The following LGSN variants were observed in gnomAD, a reference collection of about 807,000 sequenced individuals.
The protein encoded by LGSN is lengsin.
LGSN carries 21 observed loss-of-function variants against 19.5 expected under a neutral mutation model. That is an observed-to-expected ratio of 1.07 (90% CI 0.76 to 1.55). LGSN has a LOEUF of 1.55. Among genes scored for constraint, LGSN ranks in the 40% most tolerant of loss-of-function variants. LGSN has a pLI of 0.00. For missense variants in LGSN, 673 were observed against 608.5 expected (o/e 1.11, Z -1.12); for synonymous variants, 257 against 215.6 (o/e 1.19, Z -1.68).
the LGSN span, among the ~76,000 whole-genome samples, chr6:63,515,303 C>T: frequency 6.6e-6 from 1 of 152,200 alleles, no homozygotes; most frequent in South Asian, 2.1e-4. Flanking sequence ...GAGATCTCAG[C>T]TCACTGCAAC....
At chr6:63,476,996 C>G in the LGSN span, among the ~76,000 whole-genome samples, 1 of 152,106 alleles carries the variant, frequency 6.6e-6, no homozygotes, top group Non-Finnish European at 1.5e-5. Context: ...TAATTGAAAC[C>G]CTTCCTAGTA....
At chr6:63,536,154 A>T in the LGSN span, among the ~76,000 whole-genome samples, 2 of 152,218 alleles carry the variant, frequency 1.3e-5, no homozygotes, top group South Asian at 4.1e-4. Context: ...CAACAAGATG[A>T]AACCACGTCT....
At chr6:63,308,646 A>G (rs1439106129) in intron 1 of LGSN, among the ~76,000 whole-genome samples, 2 of 152,152 alleles carry the variant, frequency 1.3e-5, no homozygotes, top group East Asian at 1.9e-4. Context: ...ACCCCTATAT[A>G]ATAGTTATAG....
At chr6:63,328,318 G>C in the LGSN span, among the ~76,000 whole-genome samples, 7 of 152,348 alleles carry the variant, frequency 4.6e-5, no homozygotes, top group Admixed American at 4.6e-4. Context: ...TTTGTTGGCA[G>C]TCATGCTCGA....
At chr6:63,340,501 C>T in the LGSN span, among the ~76,000 whole-genome samples, 1 of 151,536 alleles carries the variant, frequency 6.6e-6, no homozygotes, top group Non-Finnish European at 1.5e-5. Context: ...TACTTCAGAC[C>T]TGTCTTCAAG....
chr6:63,412,529 G>GGAAGGAAAGAAAGAAA, the LGSN span, among the ~76,000 whole-genome samples: 12 of 32,404 alleles, frequency 3.7e-4, no homozygotes, highest in Non-Finnish European at 5.7e-4. Context: ...AAAGAAAGAA[G>GGAAGGAAAGAAAGAAA]GAAAGAAAGA....
the LGSN span, among the ~76,000 whole-genome samples, chr6:63,474,476 G>A: frequency 1.3e-5 from 2 of 152,002 alleles, no homozygotes; most frequent in African/African-American, 4.8e-5. Flanking sequence ...GGGCATGGTG[G>A]CAGGTGCCTG....
At chr6:63,357,629 T>C in the LGSN span, among the ~76,000 whole-genome samples, 6 of 152,256 alleles carry the variant, frequency 3.9e-5, no homozygotes, top group Non-Finnish European at 8.8e-5. Flanking sequence ...ATAAATGTCT[T>C]CTTTTGAGAA....
rs114467258 is a variant in LGSN at position 63,310,396 on chromosome 6, A to G, written c.30+9518T>C. Among the ~76,000 whole-genome samples, 447 of 152,216 alleles carry G rather than the reference A, an allele frequency of 2.9e-3. 3 individuals are homozygous for G. The highest frequency in any genetic ancestry group is 0.01 in the African/African-American group (423 of 41,556). On this transcript the variant is annotated intron_variant, in intron 1 of 3. Transcript: ENST00000370657. ...ATGGTATACAATATAATCTTTTGATATATGTATACATTGTGGAATGGCTAA... is the reference window on the plus strand; with the variant it reads ...ATGGTATACAATATAATCTTTTGATGTATGTATACATTGTGGAATGGCTAA...
chr6:63,412,443 C>CAAGA, the LGSN span, among the ~76,000 whole-genome samples: 546 of 75,356 alleles, frequency 7.2e-3, 6 homozygotes, highest in African/African-American at 0.019. Context: ...AGAAAGAAAG[C>CAAGA]AAGAAAGAAA....
At chr6:63,449,508 G>A in the LGSN span, among the ~76,000 whole-genome samples, 1 of 150,808 alleles carries the variant, frequency 6.6e-6, no homozygotes, top group East Asian at 1.9e-4. Context: ...TCACACCACT[G>A]CCCTCCAGCC....
At chr6:63,460,100 C>CTTTTTTTTTTTTTTTTTTTT in the LGSN span, among the ~76,000 whole-genome samples, 7 of 56,130 alleles carry the variant, frequency 1.2e-4, no homozygotes, top group Non-Finnish European at 1.6e-4. Context: ...ATTTCATTCC[C>CTTTTTTTTTTTTTTTTTTTT]TTTTTTTTTT....
At chr6:63,497,822 A>G in the LGSN span, among the ~76,000 whole-genome samples, 390 of 152,004 alleles carry the variant, frequency 2.6e-3, 16 homozygotes, top group South Asian at 0.076. Flanking sequence ...TCTATGTTCA[A>G]TGGCTGACCT....
the LGSN span, among the ~76,000 whole-genome samples, chr6:63,341,396 C>A: frequency 6.6e-6 from 1 of 152,158 alleles, no homozygotes; most frequent in Non-Finnish European, 1.5e-5. Flanking sequence ...CCTTACGCTC[C>A]CAAACAATGT....
the LGSN span, among the ~76,000 whole-genome samples, chr6:63,504,860 A>G: frequency 2.6e-5 from 4 of 152,372 alleles, no homozygotes; most frequent in Non-Finnish European, 2.9e-5. Flanking sequence ...CTGAGAGTTC[A>G]GAGTAGTGAA....
chr6:63,445,533 G>T, the LGSN span, among the ~76,000 whole-genome samples: 1 of 151,910 alleles, frequency 6.6e-6, no homozygotes, highest in East Asian at 1.9e-4. Flanking sequence ...CACAAGAATC[G>T]CTTGAACCTG....
the LGSN span, among the ~76,000 whole-genome samples, chr6:63,374,743 C>G: frequency 6.6e-6 from 1 of 152,176 alleles, no homozygotes; most frequent in Non-Finnish European, 1.5e-5. Flanking sequence ...CTTGTCTTCC[C>G]CAGCTTCTAG....
chr6:63,422,155 C>T, the LGSN span, among the ~76,000 whole-genome samples: 3 of 152,240 alleles, frequency 2.0e-5, no homozygotes, highest in East Asian at 1.9e-4. Context: ...CCTCTACCTC[C>T]CGGGTTCAAG....
the LGSN span, among the ~76,000 whole-genome samples, chr6:63,458,146 C>T: frequency 6.6e-6 from 1 of 152,104 alleles, no homozygotes; most frequent in Non-Finnish European, 1.5e-5. Context: ...CAGCTCACTG[C>T]AGCCTCCACC....
Sources: gnomAD v4.1 joint callset for allele counts (sites outside exome capture counted in the v4.1 genomes callset) on GRCh38, gnomAD v4.1.1 for gene constraint, MANE v1.5 for transcripts, NCBI Gene and HGNC (gene_info 2026-07-23, HGNC 2026-07-21) for gene names.